Variants in GRID1 observed in about 807,000 individuals in gnomAD.
GRID1 encodes the protein glutamate ionotropic receptor delta type subunit 1.
In GRID1, 28 loss-of-function variants were observed where a neutral mutation model predicts 98.0. The ratio of observed to expected loss-of-function variants is 0.29; its 90% CI spans 0.21 to 0.39. GRID1 has a LOEUF of 0.39. Among genes scored for constraint, GRID1 ranks in the 10% least tolerant of loss-of-function variants. The pLI, the probability that GRID1 is intolerant of heterozygous loss-of-function variation, is 1.00. For synonymous variants in GRID1, 553 were observed against 538.5 expected (o/e 1.03, Z -0.37); for missense variants, 1,111 against 1,340.5 (o/e 0.83, Z 2.67).
intron 5 of GRID1, among the ~76,000 whole-genome samples, chr10:85,888,913 C>T (rs1017720031): frequency 6.6e-6 from 1 of 152,194 alleles, no homozygotes; most frequent in African/African-American, 2.4e-5. Context: ...CATTCAATTT[C>T]CTTTAATTCC....
At chr10:86,196,407 C>A (rs1845873375) in intron 3 of GRID1, among the ~76,000 whole-genome samples, 1 of 152,008 alleles carries the variant, frequency 6.6e-6, no homozygotes, top group Non-Finnish European at 1.5e-5. Flanking sequence ...ACTCTCAAAT[C>A]CATCACTTCA....
intron 12 of GRID1, among the ~76,000 whole-genome samples, chr10:85,711,926 C>T (rs934002270): frequency 1.3e-5 from 2 of 151,468 alleles, no homozygotes; most frequent in African/African-American, 4.8e-5. Context: ...TGGTATTAAT[C>T]CAACACAAAT....
At chr10:85,655,064 A>G (rs1840880328) in intron 12 of GRID1, among the ~76,000 whole-genome samples, 1 of 152,204 alleles carries the variant, frequency 6.6e-6, no homozygotes, top group Admixed American at 6.5e-5. Flanking sequence ...TTCCCCCAGC[A>G]AAGGAGGCTT....
chr10:85,694,748 A>G (rs1486499840), intron 12 of GRID1, among the ~76,000 whole-genome samples: 1 of 151,276 alleles, frequency 6.6e-6, no homozygotes, highest in African/African-American at 2.4e-5. Flanking sequence ...AGTGGGAAGT[A>G]AATGATAGGT....
intron 2 of GRID1, among the ~76,000 whole-genome samples, chr10:86,240,658 G>A (rs1846614020): frequency 6.6e-6 from 1 of 152,186 alleles, no homozygotes; most frequent in Non-Finnish European, 1.5e-5. Context: ...GAAGAGAAGA[G>A]ACCAACTGCT....
intron 4 of GRID1, among the ~76,000 whole-genome samples, chr10:86,011,645 G>A (rs1482601676): frequency 2.0e-5 from 3 of 152,160 alleles, no homozygotes; most frequent in Non-Finnish European, 4.4e-5. Flanking sequence ...AGGAAAGAAC[G>A]TAATTTCAGA....
chr10:86,060,221 A>G (rs1843630130), intron 4 of GRID1, among the ~76,000 whole-genome samples: 1 of 152,282 alleles, frequency 6.6e-6, no homozygotes, highest in Admixed American at 6.5e-5. Context: ...ACAAATAGAC[A>G]TAAAGTCTTT....
chr10:86,028,665 A>T (rs1016736284), intron 4 of GRID1, among the ~76,000 whole-genome samples: 1 of 152,198 alleles, frequency 6.6e-6, no homozygotes, highest in Non-Finnish European at 1.5e-5. Context: ...GGCTCCCCTC[A>T]GCATACCTCT....
intron 2 of GRID1, among the ~76,000 whole-genome samples, chr10:86,236,748 C>A (rs937567252): frequency 2.0e-5 from 3 of 152,176 alleles, no homozygotes; most frequent in African/African-American, 7.2e-5. Flanking sequence ...GATGACAAGA[C>A]GTCTTGGCAC....
intron 4 of GRID1, among the ~76,000 whole-genome samples, chr10:85,986,419 T>C (rs2131864887): frequency 6.6e-6 from 1 of 152,334 alleles, no homozygotes; most frequent in African/African-American, 2.4e-5. Flanking sequence ...GTCTGAGACA[T>C]TTGTCTGTGC....
chr10:85,771,430 C>A (rs1273551467), intron 8 of GRID1, among the ~76,000 whole-genome samples: 1 of 151,974 alleles, frequency 6.6e-6, no homozygotes, highest in African/African-American at 2.4e-5. Flanking sequence ...AGCAAAATAA[C>A]CAGCTAACAT....
At chr10:85,639,168 A>G (rs1475874175) in intron 13 of GRID1, among the ~76,000 whole-genome samples, 2 of 152,246 alleles carry the variant, frequency 1.3e-5, no homozygotes, top group Middle Eastern at 3.2e-3. Context: ...CAACAACTAC[A>G]ATATATGTTA....
At chr10:86,040,934 G>A (rs1843336734) in intron 4 of GRID1, among the ~76,000 whole-genome samples, 1 of 152,028 alleles carries the variant, frequency 6.6e-6, no homozygotes, top group African/African-American at 2.4e-5. Context: ...GTGCTCAGCA[G>A]CCCAAGGTGG....
chr10:86,008,968 C>T (rs1231802646), intron 4 of GRID1, among the ~76,000 whole-genome samples: 1 of 152,078 alleles, frequency 6.6e-6, no homozygotes, highest in African/African-American at 2.4e-5. Context: ...ATGTCTAATG[C>T]CTATCAACAG....
chr10:86,036,359 T>C (rs1200618102), intron 4 of GRID1, among the ~76,000 whole-genome samples: 1 of 152,152 alleles, frequency 6.6e-6, no homozygotes, highest in Non-Finnish European at 1.5e-5. Context: ...CTTCTAAATG[T>C]CCTGACAAAA....
chr10:86,177,437 A>AT (rs1228019882), intron 3 of GRID1, among the ~76,000 whole-genome samples: 1 of 150,232 alleles, frequency 6.7e-6, no homozygotes, highest in African/African-American at 2.4e-5. Context: ...GAGACTGTGT[A>AT]TGGGGGGGTG....
chr10:86,241,405 A>G (rs375887490), intron 2 of GRID1, among the ~76,000 whole-genome samples: 1 of 148,862 alleles, frequency 6.7e-6, no homozygotes, highest in African/African-American at 2.6e-5. Flanking sequence ...GCATCTTTAC[A>G]GGGGGGCCCC....
intron 4 of GRID1, among the ~76,000 whole-genome samples, chr10:86,118,984 G>T (rs1053788776): frequency 2.6e-5 from 4 of 152,096 alleles, no homozygotes; most frequent in Non-Finnish European, 5.9e-5. Flanking sequence ...ATGCAATGTG[G>T]TATCCTGGAT....
At position 86,192,524 on chromosome 10, in the gene GRID1, G is replaced by A. The variant is rs189002432; in HGVS notation, c.520+13840C>T. ...AGGAAGGAGAACAGTGGGTGCTGAG[G>A]GCTGAAGGGAGGGGGGAGATGGGGG... is the stretch of plus-strand genomic sequence containing the variant. On this transcript the variant is annotated intron_variant, in intron 3 of 15. Transcript: ENST00000327946. This position sits in a 1 kb window ranked among gnomAD's most constrained non-coding sequence, Gnocchi z 4.8. 1.1e-4 allele frequency among the ~76,000 whole-genome samples: 17 copies of A among 149,348 alleles called. No individual in the cohort carries two copies. In the East Asian group the frequency reaches 3.1e-3, roughly 27 times the overall value.
Sources: gnomAD v4.1 joint callset for allele counts (sites outside exome capture counted in the v4.1 genomes callset) on GRCh38, gnomAD v4.1.1 for gene constraint, Gnocchi (gnomAD v3.1) non-coding constraint, MANE v1.5 for transcripts, NCBI Gene and HGNC (gene_info 2026-07-23, HGNC 2026-07-21) for gene names.